MACROD2: variants seen among roughly 807,000 people sequenced by gnomAD.
MACROD2 encodes ADP-ribose glycohydrolase MACROD2.
A neutral mutation model predicts 70.4 loss-of-function variants in MACROD2; 36 were observed. The ratio of observed to expected loss-of-function variants is 0.51; its 90% CI spans 0.39 to 0.68. The LOEUF is 0.68. MACROD2 is among the 30% of genes least tolerant of loss of function. MACROD2 has a pLI of 0.00. For synonymous variants in MACROD2, 172 were observed against 178.8 expected (o/e 0.96, Z 0.30); for missense variants, 496 against 538.4 (o/e 0.92, Z 0.78).
At chr20:15,130,275 T>C (rs2076095819) in intron 5 of MACROD2, among the ~76,000 whole-genome samples, 1 of 151,642 alleles carries the variant, frequency 6.6e-6, no homozygotes, top group African/African-American at 2.4e-5. Flanking sequence ...CATCCATCCA[T>C]CTAGTCCAAG....
At chr20:14,733,922 C>T (rs912088148) in intron 5 of MACROD2, among the ~76,000 whole-genome samples, 1 of 152,098 alleles carries the variant, frequency 6.6e-6, no homozygotes, top group Non-Finnish European at 1.5e-5. Flanking sequence ...CCTCTTAATG[C>T]CTTAGTTTCC....
At chr20:14,846,915 T>G (rs1038680383) in intron 5 of MACROD2, among the ~76,000 whole-genome samples, 1 of 152,214 alleles carries the variant, frequency 6.6e-6, no homozygotes, top group African/African-American at 2.4e-5. Context: ...CTAAAATAAT[T>G]AACAATAATT....
At chr20:15,366,087 C>G (rs1203648950) in intron 6 of MACROD2, among the ~76,000 whole-genome samples, 4 of 152,130 alleles carry the variant, frequency 2.6e-5, no homozygotes, top group Non-Finnish European at 5.9e-5. Context: ...CAGAAGAGAA[C>G]AGAGAGGGAT....
chr20:15,621,821 A>T (rs560299632), intron 8 of MACROD2, among the ~76,000 whole-genome samples: 57 of 152,358 alleles, frequency 3.7e-4, no homozygotes, highest in African/African-American at 1.3e-3. Context: ...CGCAGAATGT[A>T]CTTTTAATAC....
chr20:15,862,486 A>T (rs1347896639), intron 8 of MACROD2, among the ~76,000 whole-genome samples: 1 of 151,996 alleles, frequency 6.6e-6, no homozygotes, highest in Non-Finnish European at 1.5e-5. Context: ...GTCATTTATT[A>T]TTTCTTATTT....
rs202027491 is a variant in MACROD2 at position 15,021,101 on chromosome 20, T to TAC, written c.419-208836_419-208835dup. On this transcript the variant is annotated intron_variant, in intron 5 of 17. Transcript: ENST00000684519. The stretch of plus-strand genomic sequence containing the variant: ...GTATGTGTATACACGTGTATGTGTA[T>TAC]ACACGTGTATGTGTATACACGTGTG... Among the ~76,000 whole-genome samples, 440 of 132,102 alleles carry TAC rather than the reference T, an allele frequency of 3.3e-3. 45 individuals carry two copies. Among genetic ancestry groups the TAC allele is most frequent in the African/African-American group, 0.011 (373 of 33,182 alleles). 86.7% of individuals were successfully genotyped at this position (132,102 alleles called of 152,430 possible). A position where few individuals can be genotyped will look rare whatever the true frequency, so the allele number is the denominator to read the frequency against.
chr20:14,980,322 C>T (rs922784019), intron 5 of MACROD2, among the ~76,000 whole-genome samples: 1 of 152,068 alleles, frequency 6.6e-6, no homozygotes, highest in Non-Finnish European at 1.5e-5. Flanking sequence ...GAGACCTGAG[C>T]TAGCAAGCTC....
chr20:15,794,467 G>A (rs1439147566), intron 8 of MACROD2, among the ~76,000 whole-genome samples: 2 of 152,164 alleles, frequency 1.3e-5, no homozygotes, highest in African/African-American at 4.8e-5. Flanking sequence ...GCACTAGACC[G>A]TGTCGGCAGC....
chr20:15,207,263 A>C (rs175258), intron 5 of MACROD2, among the ~76,000 whole-genome samples: 85,693 of 151,734 alleles, frequency 0.56, 24,619 homozygotes, highest in African/African-American at 0.6. Flanking sequence ...ATGACAAATT[A>C]TTTTAGTTTT....
chr20:14,605,441 C>T (rs1982743918), intron 4 of MACROD2, among the ~76,000 whole-genome samples: 1 of 152,130 alleles, frequency 6.6e-6, no homozygotes, highest in Non-Finnish European at 1.5e-5. Context: ...GATTAGGACC[C>T]ATTCTAATGA....
At chr20:15,880,018 G>A (rs1315015452) in intron 9 of MACROD2, among the ~76,000 whole-genome samples, 2 of 152,138 alleles carry the variant, frequency 1.3e-5, no homozygotes, top group African/African-American at 4.8e-5. Flanking sequence ...GTCAGCCTTT[G>A]TGTTCTTGTT....
At chr20:15,079,437 T>C (rs1185556419) in intron 5 of MACROD2, among the ~76,000 whole-genome samples, 2 of 152,128 alleles carry the variant, frequency 1.3e-5, no homozygotes, top group African/African-American at 4.8e-5. Context: ...ATTGCAATAA[T>C]TGCACCAGCT....
intron 8 of MACROD2, among the ~76,000 whole-genome samples, chr20:15,556,777 CT>C (rs1197159725): frequency 6.6e-6 from 1 of 152,218 alleles, no homozygotes; most frequent in African/African-American, 2.4e-5. Context: ...GGATTCCTCT[CT>C]GGTCAATGGA....
chr20:14,268,978 G>A (rs1372340455), intron 3 of MACROD2, among the ~76,000 whole-genome samples: 2 of 152,070 alleles, frequency 1.3e-5, no homozygotes, highest in African/African-American at 2.4e-5. Context: ...TTTGTGTGTT[G>A]GCGTAATAAC....
At chr20:14,924,254 C>A (rs902851565) in intron 5 of MACROD2, among the ~76,000 whole-genome samples, 2 of 146,812 alleles carry the variant, frequency 1.4e-5, no homozygotes, top group South Asian at 4.2e-4. Context: ...TGAGGCCAAG[C>A]CTGGCCAAAC....
At chr20:14,945,060 A>C (rs1464442946) in intron 5 of MACROD2, among the ~76,000 whole-genome samples, 2 of 152,066 alleles carry the variant, frequency 1.3e-5, no homozygotes, top group Non-Finnish European at 2.9e-5. Flanking sequence ...CAGCGTTTAA[A>C]AATTGGAAGA....
chr20:14,343,505 T>C (rs1459834035), intron 3 of MACROD2, among the ~76,000 whole-genome samples: 1 of 152,172 alleles, frequency 6.6e-6, no homozygotes, highest in Non-Finnish European at 1.5e-5. Flanking sequence ...AACCTGGGGA[T>C]AGTTGCTTTT....
intron 3 of MACROD2, among the ~76,000 whole-genome samples, chr20:14,288,108 T>C (rs1183953376): frequency 2.6e-5 from 4 of 151,928 alleles, no homozygotes; most frequent in African/African-American, 9.7e-5. Context: ...TTACCTTAGA[T>C]AAGGTACACC....
intron 8 of MACROD2, among the ~76,000 whole-genome samples, chr20:15,803,444 A>G (rs889944503): frequency 1.3e-5 from 2 of 152,110 alleles, no homozygotes; most frequent in Non-Finnish European, 2.9e-5. Flanking sequence ...TTCAAATAAA[A>G]AGTGCCTGAT....
Sources: allele counts gnomAD v4.1 joint callset (sites outside exome capture counted in the v4.1 genomes callset), GRCh38; gene constraint gnomAD v4.1.1; transcripts MANE v1.5; gene names NCBI Gene and HGNC (gene_info 2026-07-23, HGNC 2026-07-21).